The following ZNF317 variants were observed in gnomAD, a reference collection of about 807,000 sequenced individuals.
The protein encoded by ZNF317 is KRAB-containing zinc finger protein 317.
Under a neutral mutation model 23.4 loss-of-function variants are expected in ZNF317, and 17 were observed. The ratio of observed to expected loss-of-function variants is 0.73; its 90% CI spans 0.50 to 1.09. The LOEUF is 1.09. Ranked by LOEUF, ZNF317 falls within the 50% of genes least tolerant of loss-of-function variation. The probability of loss-of-function intolerance (pLI) is 0.00; values close to 1 mark genes in which losing one functional copy is unlikely to be tolerated. For missense variants in ZNF317, 679 were observed against 796.7 expected (o/e 0.85, Z 1.78); for synonymous variants, 317 against 314.9 (o/e 1.01, Z -0.07).
At chr19:9,158,363 CTTTTTTTTTTTTTTTTT>C (rs200591339) in intron 5 of ZNF317, among the ~76,000 whole-genome samples, 2 of 76,496 alleles carry the variant, frequency 2.6e-5, no homozygotes, top group Non-Finnish European at 4.6e-5. Context: ...TTTCTTTTTT[CTTTTTTTTTTTTTTTTT>C]TTTTTTTTTT....
chr19:9,140,850 A>G (rs1017437285), intron 1 of ZNF317, among the ~76,000 whole-genome samples: 4 of 152,136 alleles, frequency 2.6e-5, no homozygotes, highest in African/African-American at 9.7e-5. Context: ...GTGGGGGCGG[A>G]AAAGCCCGGC....
intron 1 of ZNF317, among the ~76,000 whole-genome samples, chr19:9,152,268 C>A (rs1157201446): frequency 6.6e-6 from 1 of 152,064 alleles, no homozygotes; most frequent in African/African-American, 2.4e-5. Flanking sequence ...ATAGGTCTCT[C>A]AATTTTCTTT....
rs762840519 is a variant in ZNF317 at position 9,161,470 on chromosome 19, G to A, written c.*37G>A. 1.6e-5 allele frequency: 25 copies of A among 1,574,046 alleles called. No homozygotes were observed. Among genetic ancestry groups the A allele is most frequent in the Non-Finnish European group, 1.6e-5 (19 of 1,157,118 alleles). On this transcript the variant is annotated 3_prime_UTR_variant, in exon 7 of 7. Coordinates refer to ENST00000247956, the MANE Select transcript of ZNF317 (RefSeq NM_020933.5). This position sits in a 1 kb window ranked among gnomAD's most constrained non-coding sequence, Gnocchi z 4.0. Reference sequence around the variant, plus strand: ...TTAGAGACACAGGATGATTCAGACCGGAAACAGACCTCGTGGGTGTAAGAG... The same window carrying A: ...TTAGAGACACAGGATGATTCAGACCAGAAACAGACCTCGTGGGTGTAAGAG...
intron 1 of ZNF317, among the ~76,000 whole-genome samples, chr19:9,149,680 A>G (rs879691074): frequency 3.1e-4 from 47 of 151,996 alleles, no homozygotes; most frequent in Admixed American, 8.5e-4. Flanking sequence ...TGGGTGAGGG[A>G]CCAGTGGCAG....
chr19:9,153,581 A>T (rs1161799415), intron 1 of ZNF317, among the ~76,000 whole-genome samples: 1 of 152,288 alleles, frequency 6.6e-6, no homozygotes, highest in East Asian at 1.9e-4. Flanking sequence ...AAATGAGTGG[A>T]TGTGATTACC....
intron 1 of ZNF317, among the ~76,000 whole-genome samples, chr19:9,144,801 A>G (rs1412526376): frequency 6.6e-6 from 1 of 151,688 alleles, no homozygotes; most frequent in Non-Finnish European, 1.5e-5. Context: ...TAATTCTTCC[A>G]CTGTTTGCTT....
In ZNF317 at chr19:9,140,557, C is replaced by T. The variant is rs1480530928; in HGVS notation, c.-128C>T. The stretch of plus-strand genomic sequence containing the variant: ...TTCTCTTCGCATCGGCGGCGGCTTC[C>T]GTCACCTCCGCTCCCCCGATCCTAT... On this transcript the variant is annotated 5_prime_UTR_variant, in exon 1 of 7. Coordinates refer to ENST00000247956, the MANE Select transcript of ZNF317 (RefSeq NM_020933.5). 2 of 456,488 alleles carry T rather than the reference C, an allele frequency of 4.4e-6. No homozygotes were observed. The highest frequency in any genetic ancestry group is 4.0e-5 in the African/African-American group (2 of 50,066). 28.3% of individuals were successfully genotyped at this position (456,488 alleles called of 1,614,324 possible). A position where few individuals can be genotyped will look rare whatever the true frequency, so the allele number is the denominator to read the frequency against.
chr19:9,147,382 C>G (rs866659700), intron 1 of ZNF317, among the ~76,000 whole-genome samples: 75 of 141,110 alleles, frequency 5.3e-4, no homozygotes, highest in Admixed American at 5.2e-4. Context: ...CTCTGTCGCC[C>G]AGGCTGGAGT....
intron 1 of ZNF317, among the ~76,000 whole-genome samples, chr19:9,153,148 TTTTGTTTGTTTG>T (rs74921135): frequency 0.04 from 5,718 of 144,050 alleles, 367 homozygotes; most frequent in African/African-American, 0.13. Flanking sequence ...AGGTAGTTGT[TTTTGTTTGTTTG>T]TTTGTTTGTT....
chr19:9,158,765 T>A (rs1177788807), intron 5 of ZNF317, 61 bp from the exon 6 acceptor site: 34 of 1,095,652 alleles, frequency 3.1e-5, no homozygotes, highest in Non-Finnish European at 4.5e-5. Context: ...CACCTGTCAT[T>A]GTCACCATCA....
chr19:9,147,612 C>T (rs2050697417), intron 1 of ZNF317, among the ~76,000 whole-genome samples: 3 of 152,218 alleles, frequency 2.0e-5, no homozygotes, highest in Non-Finnish European at 2.9e-5. Context: ...GCTGGGATTA[C>T]AGGCGTGAGC....
At chr19:9,145,053 T>C (rs185932416) in intron 1 of ZNF317, among the ~76,000 whole-genome samples, 12 of 152,336 alleles carry the variant, frequency 7.9e-5, no homozygotes, top group Middle Eastern at 3.4e-3. Flanking sequence ...GTTTGTTTGT[T>C]TGTTTTCTGA....
In ZNF317 at chr19:9,160,383, G is replaced by A; in HGVS notation, c.738G>A (p.Gly246=). The change falls in exon 7 of 7, where the codon GGG becomes GGA. Residue 246 remains glycine (G), a synonymous_variant. Coordinates refer to ENST00000247956, the MANE Select transcript of ZNF317 (RefSeq NM_020933.5). This position sits in a 1 kb window ranked among gnomAD's most constrained non-coding sequence, Gnocchi z 6.8. ...CACGGCACAGGAGAATCCACACCGG[G>A]GAGAAGCCTTACGAGTGCAGCGACT... ...SLTRHRRIHT[G]EKPYECSDCG... is the part of the protein sequence containing the mutation. The A allele has an allele frequency of 6.2e-7, 1 of 1,614,158 alleles. No homozygotes were observed.
At chr19:9,153,148 T>TG (rs2050750550) in intron 1 of ZNF317, among the ~76,000 whole-genome samples, 1 of 143,992 alleles carries the variant, frequency 6.9e-6, no homozygotes, top group Non-Finnish European at 1.6e-5. Flanking sequence ...AGGTAGTTGT[T>TG]TTTGTTTGTT....
rs2050867018 is a variant in ZNF317 at position 9,162,264 on chromosome 19, C to T, written c.*831C>T. The T allele has an allele frequency of 6.6e-6, 1 of 152,076 alleles. No homozygotes were observed. Among genetic ancestry groups the T allele is most frequent in the Non-Finnish European group, 1.5e-5 (1 of 68,014 alleles). The allele number at this position is 152,076 out of a possible 1,614,324, so 9.4% of individuals were successfully genotyped here. ...TCGGCTCCAGCACACAGGAGCCCCC[C>T]ACAACGAAGAGTTAGTGCCCCCAAA... On this transcript the variant is annotated 3_prime_UTR_variant, in exon 7 of 7. Coordinates refer to ENST00000247956, the MANE Select transcript of ZNF317 (RefSeq NM_020933.5).
rs180974890 is a variant in ZNF317, at chr19:9,157,239, G to A, written c.163-29G>A. ...ATGAACATCGTTAGGCTGGTTCCTCGCTGACCCCAAGTTTGTGTGGCGTTC... is the reference window on the plus strand; with the variant it reads ...ATGAACATCGTTAGGCTGGTTCCTCACTGACCCCAAGTTTGTGTGGCGTTC... On this transcript the variant is annotated intron_variant, in intron 3 of 6. Transcript: ENST00000247956. 3.7e-5 allele frequency: 59 copies of A among 1,610,738 alleles called. No individual in the cohort carries two copies. In the East Asian group the frequency reaches 9.4e-4, roughly 26 times the overall value.
At chr19:9,140,704 A>T in intron 1 of ZNF317, 112 bp downstream of exon 1, 2 of 382,722 alleles carry the variant, frequency 5.2e-6, no homozygotes, top group South Asian at 3.7e-5. Context: ...AGAGCTAGGC[A>T]TCCAGACGAG....
chr19:9,157,303 T>A lies in ZNF317; in HGVS notation c.198T>A (p.Phe66Leu). Reference sequence around the variant, plus strand: ...CTTTCCAAGATGTCGCTGTGGACTTTACCGAGAAGGAGTGGCCCTTGCTGG... The same window carrying A: ...CTTTCCAAGATGTCGCTGTGGACTTAACCGAGAAGGAGTGGCCCTTGCTGG... ...SVTFQDVAVDFTEKEWPLLDS... is the reference protein window; with the variant it reads ...SVTFQDVAVDLTEKEWPLLDS... Residue 66 changes from phenylalanine (F) to leucine (L), a missense_variant, in exon 4 of 7, where the codon TTT becomes TTA. By Grantham distance (22) the Phe-to-Leu change is conservative. Coordinates refer to ENST00000247956, the MANE Select transcript of ZNF317 (RefSeq NM_020933.5). 1 of 1,614,130 alleles carries A rather than the reference T, an allele frequency of 6.2e-7. No homozygotes were observed. The highest frequency in any genetic ancestry group is 8.5e-7 in the Non-Finnish European group (1 of 1,179,988).
chr19:9,161,231 C>G lies in ZNF317; in HGVS notation c.1586C>G (p.Pro529Arg). The change falls in exon 7 of 7, where the codon CCG becomes CGG. Residue 529 changes from proline to arginine, a missense_variant. Coordinates refer to ENST00000247956, the MANE Select transcript of ZNF317 (RefSeq NM_020933.5). The surrounding 1 kb of genome is among the most constrained non-coding windows in gnomAD (Gnocchi z 4.0). ...ATGCGAAGCCACACGGGGGAGAAAC[C>G]GTACGAATGCGATCACTGTGGGAAG... ...THMRSHTGEK[P>R]YECDHCGKAF... The G allele has an allele frequency of 6.2e-6, 10 of 1,614,166 alleles. No homozygotes were observed. Among genetic ancestry groups the G allele is most frequent in the Non-Finnish European group, 8.5e-6 (10 of 1,180,020 alleles).
Sources: gnomAD v4.1 joint callset for allele counts (sites outside exome capture counted in the v4.1 genomes callset) on GRCh38, gnomAD v4.1.1 for gene constraint, Gnocchi (gnomAD v3.1) non-coding constraint, MANE v1.5 for transcripts, NCBI Gene and HGNC (gene_info 2026-07-23, HGNC 2026-07-21) for gene names.